The following CCDC134 variants were observed in gnomAD, a reference collection of about 807,000 sequenced individuals.
CCDC134 encodes the protein coiled-coil domain-containing protein 134.
In CCDC134, 27 loss-of-function variants were observed where a neutral mutation model predicts 25.6. The ratio of observed to expected loss-of-function variants is 1.05; its 90% confidence interval spans 0.78 to 1.45. The LOEUF (loss-of-function observed/expected upper bound fraction) is 1.45. Among genes scored for constraint, CCDC134 ranks in the 40% most tolerant of loss-of-function variants. The pLI is 0.00. For missense variants in CCDC134, 261 were observed against 286.7 expected (o/e 0.91, Z 0.65); for synonymous variants, 110 against 115.0 (o/e 0.96, Z 0.28).
chr22:41,807,312 C>T (rs563525943), intron 1 of CCDC134, among the ~76,000 whole-genome samples: 5 of 152,260 alleles, frequency 3.3e-5, no homozygotes, highest in African/African-American at 9.6e-5. Context: ...ACCTGTATCC[C>T]AGTACTTTGG....
At chr22:41,817,261 G>C (rs1262182969) in intron 6 of CCDC134, among the ~76,000 whole-genome samples, 1 of 152,124 alleles carries the variant, frequency 6.6e-6, no homozygotes, top group Non-Finnish European at 1.5e-5. Flanking sequence ...ATGCCAAGTA[G>C]AATGATATGT....
At chr22:41,810,683 A>G (rs2148309489) in intron 4 of CCDC134, among the ~76,000 whole-genome samples, 1 of 151,676 alleles carries the variant, frequency 6.6e-6, no homozygotes, top group Admixed American at 6.6e-5. Flanking sequence ...CTTAATAGAG[A>G]CGAGGTTTCA....
intron 6 of CCDC134, among the ~76,000 whole-genome samples, chr22:41,824,141 G>A (rs137991833): frequency 3.3e-4 from 51 of 152,278 alleles, no homozygotes; most frequent in Non-Finnish European, 6.2e-4. Context: ...AAGAAAGAAG[G>A]AATCAGCACA....
At chr22:41,818,154 A>G (rs1256989008) in intron 6 of CCDC134, among the ~76,000 whole-genome samples, 3 of 152,232 alleles carry the variant, frequency 2.0e-5, no homozygotes, top group African/African-American at 7.2e-5. Flanking sequence ...TCCAGGGGAA[A>G]TAGGCTCAGC....
rs2076687176 is a variant in CCDC134, at chr22:41,827,885, C to G, written c.*2062C>G. Among the ~76,000 whole-genome samples, 1 of 152,210 alleles carries G rather than the reference C, an allele frequency of 6.6e-6. No individual in the cohort carries two copies. Among genetic ancestry groups the G allele is most frequent in the South Asian group, 2.1e-4 (1 of 4,834 alleles). ...CGGAAGGACCAGGCCAGTCGCTGTC[C>G]TTTTCATGCTAGAGAGTGGTTGTGG... is the stretch of plus-strand genomic sequence containing the variant. On this transcript the variant is annotated 3_prime_UTR_variant, in exon 7 of 7. Transcript: ENST00000255784.
In CCDC134 at chr22:41,826,946, C is replaced by T. The variant is rs2076682689; in HGVS notation, c.*1123C>T. ...TCGACACCCAGCCCCCTACCACTGA[C>T]AGAGCACAAGTGAGATCTGAGTGTT... On this transcript the variant is annotated 3_prime_UTR_variant, in exon 7 of 7. Coordinates refer to ENST00000255784, the MANE Select transcript of CCDC134 (RefSeq NM_024821.5). Among the ~76,000 whole-genome samples, 1 of 152,256 alleles carries T rather than the reference C, an allele frequency of 6.6e-6. No homozygotes were observed. The highest frequency in any genetic ancestry group is 1.5e-5 in the Non-Finnish European group (1 of 68,044).
chr22:41,817,736 A>G (rs1179887938), intron 6 of CCDC134, among the ~76,000 whole-genome samples: 1 of 146,826 alleles, frequency 6.8e-6, no homozygotes, highest in Non-Finnish European at 1.5e-5. Flanking sequence ...TGTCTTAAAT[A>G]AATAAATAAA....
intron 6 of CCDC134, among the ~76,000 whole-genome samples, chr22:41,820,759 A>G (rs981570314): frequency 2.6e-5 from 4 of 152,182 alleles, no homozygotes; most frequent in African/African-American, 9.7e-5. Flanking sequence ...GAGGGAGGGT[A>G]GTAAGAGTTT....
At chr22:41,804,085 A>G (rs2076556718) in intron 1 of CCDC134, among the ~76,000 whole-genome samples, 1 of 152,162 alleles carries the variant, frequency 6.6e-6, no homozygotes, top group Non-Finnish European at 1.5e-5. Context: ...TTGAGCCGAG[A>G]TTGCACCACT....
intron 4 of CCDC134, 47 bp from the exon 5 acceptor site, chr22:41,813,217 G>A: frequency 1.3e-6 from 2 of 1,599,490 alleles, no homozygotes; most frequent in Non-Finnish European, 1.7e-6. Flanking sequence ...CAGTGAGGCA[G>A]CCAGGAGAGC....
chr22:41,810,666 T>C (rs1260274382), intron 4 of CCDC134, among the ~76,000 whole-genome samples: 3 of 151,814 alleles, frequency 2.0e-5, no homozygotes, highest in Admixed American at 1.3e-4. Context: ...CAGCTAGTTT[T>C]TGTATTCTTA....
At position 41,810,489 on chromosome 22, in the gene CCDC134, C is replaced by CTTT. The variant is rs960666358; in HGVS notation, c.310+221_310+223dup. On this transcript the variant is annotated intron_variant, in intron 4 of 6. Coordinates refer to ENST00000255784, the MANE Select transcript of CCDC134 (RefSeq NM_024821.5). Reference sequence around the variant, plus strand: ...TGGCTACTTTTTAGCAATAGCATTTCTTTTTTTTTTTTTTTTTTTTTTTTT... The same window carrying CTTT: ...TGGCTACTTTTTAGCAATAGCATTTCTTTTTTTTTTTTTTTTTTTTTTTTTTTT... Among the ~76,000 whole-genome samples the CTTT allele has an allele frequency of 2.9e-3, 249 of 86,604 alleles. 1 individual carries two copies. Among genetic ancestry groups the CTTT allele is most frequent in the African/African-American group, 4.9e-3 (99 of 20,096 alleles). The allele number at this position is 86,604 out of a possible 152,430, so 56.8% of individuals were successfully genotyped here.
chr22:41,802,741 C>A (rs1317271628), intron 1 of CCDC134, among the ~76,000 whole-genome samples: 1 of 151,872 alleles, frequency 6.6e-6, no homozygotes, highest in African/African-American at 2.4e-5. Flanking sequence ...GGTGAAACCC[C>A]ATCTCAACTA....
chr22:41,831,547 C>T lies in CCDC134; in HGVS notation c.*5724C>T, dbSNP rs964052465. 1 of 152,230 alleles carries T rather than the reference C, an allele frequency of 6.6e-6. No homozygotes were observed. Among genetic ancestry groups the T allele is most frequent in the South Asian group, 2.1e-4 (1 of 4,832 alleles). 9.4% of individuals were successfully genotyped at this position (152,230 alleles called of 1,614,324 possible). A position where few individuals can be genotyped will look rare whatever the true frequency, so the allele number is the denominator to read the frequency against. On this transcript the variant is annotated 3_prime_UTR_variant, in exon 7 of 7. Coordinates refer to ENST00000255784, the MANE Select transcript of CCDC134 (RefSeq NM_024821.5). Reference sequence around the variant, plus strand: ...GCAAGGCACTTACTGTATGCCAAAGCTTATGCCGAGAGCTGGCTGCCAGCA... The same window carrying T: ...GCAAGGCACTTACTGTATGCCAAAGTTTATGCCGAGAGCTGGCTGCCAGCA...
intron 1 of CCDC134, among the ~76,000 whole-genome samples, chr22:41,802,254 A>G (rs746280120): frequency 6.6e-6 from 1 of 152,190 alleles, no homozygotes; most frequent in African/African-American, 2.4e-5. Context: ...AACAACTTTC[A>G]TATTTCCCCC....
intron 6 of CCDC134, among the ~76,000 whole-genome samples, chr22:41,815,355 G>A (rs927789514): frequency 1.3e-4 from 19 of 151,690 alleles, no homozygotes; most frequent in South Asian, 4.2e-4. Flanking sequence ...ACAGGCGCCC[G>A]CCACCACACC....
At chr22:41,805,007 T>C (rs2076561304) in intron 1 of CCDC134, among the ~76,000 whole-genome samples, 1 of 151,540 alleles carries the variant, frequency 6.6e-6, no homozygotes, top group South Asian at 2.1e-4. Context: ...GAGGTGGAGG[T>C]TGCAAGATCT....
intron 6 of CCDC134, among the ~76,000 whole-genome samples, chr22:41,815,726 C>A (rs2076619859): frequency 6.6e-6 from 1 of 152,038 alleles, no homozygotes. Flanking sequence ...CTTACTGTAA[C>A]CTTGAACTCC....
At chr22:41,805,418 T>TA (rs1329841444) in intron 1 of CCDC134, among the ~76,000 whole-genome samples, 1 of 150,530 alleles carries the variant, frequency 6.6e-6, no homozygotes, top group Non-Finnish European at 1.5e-5. Context: ...AGACCCTGTC[T>TA]AAAAAATAAA....
Sources: gnomAD v4.1 joint callset for allele counts (sites outside exome capture counted in the v4.1 genomes callset) on GRCh38, gnomAD v4.1.1 for gene constraint, MANE v1.5 for transcripts, NCBI Gene and HGNC (gene_info 2026-07-23, HGNC 2026-07-21) for gene names.